The following IL15 variants were observed in gnomAD, a reference collection of about 807,000 sequenced individuals.
The protein encoded by IL15 is interleukin 15.
Under a neutral mutation model 19.6 loss-of-function variants are expected in IL15, and 11 were observed. The ratio of observed to expected loss-of-function variants is 0.56; its 90% CI spans 0.35 to 0.93. The LOEUF (loss-of-function observed/expected upper bound fraction) is 0.93, where lower values mean the gene tolerates loss of function less well. Ranked by LOEUF, IL15 falls within the 40% of genes least tolerant of loss-of-function variation. The pLI, the probability that IL15 is intolerant of heterozygous loss-of-function variation, is 0.01. For synonymous variants in IL15, 58 were observed against 59.6 expected (o/e 0.97, Z 0.12); for missense variants, 197 against 186.5 (o/e 1.06, Z -0.33).
At chr4:141,694,554 G>C (rs1729029698) in intron 2 of IL15, among the ~76,000 whole-genome samples, 1 of 152,170 alleles carries the variant, frequency 6.6e-6, no homozygotes, top group Non-Finnish European at 1.5e-5. Context: ...TTATATTTAA[G>C]ATCATGGAAG....
In IL15 at chr4:141,708,323, A is replaced by G. The variant is rs146939085; in HGVS notation, c.-99-11043A>G. On this transcript the variant is annotated intron_variant, in intron 2 of 7. Coordinates refer to ENST00000320650, the MANE Select transcript of IL15 (RefSeq NM_000585.5). ...TGGTGGTGCAAGCATTCATGTGAACATAGTGGAATGAGAGCAGGGCCTCAG... is the reference window on the plus strand; with the variant it reads ...TGGTGGTGCAAGCATTCATGTGAACGTAGTGGAATGAGAGCAGGGCCTCAG... 2.3e-3 allele frequency among the ~76,000 whole-genome samples: 345 copies of G among 152,260 alleles called. 1 individual carries two copies. Among genetic ancestry groups the G allele is most frequent in the African/African-American group, 7.8e-3 (324 of 41,546 alleles).
chr4:141,642,232 G>C (rs1241573335), intron 1 of IL15, among the ~76,000 whole-genome samples: 3 of 152,004 alleles, frequency 2.0e-5, no homozygotes, highest in Non-Finnish European at 2.9e-5. Flanking sequence ...GTGGGAGAAG[G>C]GTAATTATGA....
At chr4:141,730,051 A>G (rs1730401217) in intron 7 of IL15, 67 bp downstream of exon 7, 6 of 1,254,514 alleles carry the variant, frequency 4.8e-6, no homozygotes, top group Non-Finnish European at 7.0e-6. Context: ...GAAGTCATTC[A>G]TGGACAAGCA....
At chr4:141,663,241 T>G (rs994074638) in intron 2 of IL15, among the ~76,000 whole-genome samples, 17 of 152,064 alleles carry the variant, frequency 1.1e-4, no homozygotes, top group Admixed American at 9.8e-4. Flanking sequence ...AAAATAAGAG[T>G]TAAAACATTT....
chr4:141,641,850 A>G (rs1727056240), intron 1 of IL15, among the ~76,000 whole-genome samples: 1 of 152,006 alleles, frequency 6.6e-6, no homozygotes, highest in African/African-American at 2.4e-5. Flanking sequence ...TTTAAAAAAA[A>G]AAAAGCCGCA....
intron 2 of IL15, among the ~76,000 whole-genome samples, chr4:141,701,166 T>G (rs187447440): frequency 1.1e-4 from 16 of 152,310 alleles, no homozygotes; most frequent in African/African-American, 3.8e-4. Context: ...AATGTGATCT[T>G]TTGGGGGTGT....
chr4:141,677,435 G>A (rs1385158579), intron 2 of IL15, among the ~76,000 whole-genome samples: 1 of 152,098 alleles, frequency 6.6e-6, no homozygotes, highest in Non-Finnish European at 1.5e-5. Flanking sequence ...GTGTTAATTG[G>A]CTGTGTTATC....
At chr4:141,688,230 C>T (rs1202366588) in intron 2 of IL15, among the ~76,000 whole-genome samples, 2 of 152,164 alleles carry the variant, frequency 1.3e-5, no homozygotes. Flanking sequence ...ATTTACGTAT[C>T]CTCCCTTCCC....
At chr4:141,656,571 T>C (rs1727605906) in intron 2 of IL15, among the ~76,000 whole-genome samples, 1 of 152,216 alleles carries the variant, frequency 6.6e-6, no homozygotes, top group Admixed American at 6.5e-5. Flanking sequence ...ATGCTCACTG[T>C]CACAATGAGT....
rs1730393808 is a variant in IL15 at position 141,729,895 on chromosome 4, G to A, written c.289G>A (p.Val97Ile). 3 of 1,585,644 alleles carry A rather than the reference G, an allele frequency of 1.9e-6. No homozygotes were observed. The highest frequency in any genetic ancestry group is 1.1e-5 in the South Asian group (1 of 90,504). The change falls in exon 7 of 8, where the codon GTT becomes ATT. Residue 97 changes from valine to isoleucine, a missense_variant. Val to Ile is a conservative substitution (Grantham distance 29). Coordinates refer to ENST00000320650, the MANE Select transcript of IL15 (RefSeq NM_000585.5). ...GAAGTGCTTTCTCTTGGAGTTACAA[G>A]TTATTTCACTTGAGTCCGGAGATGC... ...AMKCFLLELQ[V>I]ISLESGDASI...
At chr4:141,703,736 GA>G (rs569683867) in intron 2 of IL15, among the ~76,000 whole-genome samples, 1,446 of 92,736 alleles carry the variant, frequency 0.016, 14 homozygotes, top group African/African-American at 0.037. Flanking sequence ...CTGCTATCTT[GA>G]AAAAAAAAAA....
chr4:141,728,070 GT>G, intron 6 of IL15, 86 bp downstream of exon 6: 1 of 673,020 alleles, frequency 1.5e-6, no homozygotes. Flanking sequence ...AAATATGGTA[GT>G]TTTAAAATCT....
In IL15 at chr4:141,681,291, T is replaced by TA. The variant is rs79077042; in HGVS notation, c.-100+24997dup. Among the ~76,000 whole-genome samples, 426 of 140,246 alleles carry TA rather than the reference T, an allele frequency of 3.0e-3. 2 individuals carry two copies. The highest frequency in any genetic ancestry group is 0.021 in the Middle Eastern group (6 of 284). 92.0% of individuals were successfully genotyped at this position (140,246 alleles called of 152,430 possible). Reference sequence around the variant, plus strand: ...AGTTGGCATGTTTAATTAACCTGTGTAAAAAAAAAAAAAGAGAGAAGACTT... The same window carrying TA: ...AGTTGGCATGTTTAATTAACCTGTGTAAAAAAAAAAAAAAGAGAGAAGACTT... On this transcript the variant is annotated intron_variant, in intron 2 of 7. Coordinates refer to ENST00000320650, the MANE Select transcript of IL15 (RefSeq NM_000585.5).
At chr4:141,720,421 C>A in intron 3 of IL15, 48 bp from the exon 4 acceptor site, 1 of 989,842 alleles carries the variant, frequency 1.0e-6, no homozygotes, top group South Asian at 1.4e-5. Context: ...TTAAACCTCA[C>A]TTTTTAACTA....
intron 2 of IL15, among the ~76,000 whole-genome samples, chr4:141,702,444 T>C (rs1225023901): frequency 6.6e-6 from 1 of 152,156 alleles, no homozygotes; most frequent in Admixed American, 6.5e-5. Flanking sequence ...AGCACCTGCT[T>C]TGAATGGAGG....
At chr4:141,648,582 A>G (rs544009094) in intron 1 of IL15, among the ~76,000 whole-genome samples, 1 of 152,162 alleles carries the variant, frequency 6.6e-6, no homozygotes, top group African/African-American at 2.4e-5. Flanking sequence ...TTAAGAGAAG[A>G]AATATGGTTT....
At chr4:141,720,983 A>C (rs999260945) in intron 4 of IL15, 6 of 587,842 alleles carry the variant, frequency 1.0e-5, no homozygotes, top group African/African-American at 9.5e-5. Flanking sequence ...TTCTTTCTTT[A>C]TTTAAGCCTT....
intron 7 of IL15, among the ~76,000 whole-genome samples, chr4:141,731,928 A>G (rs1027352187): frequency 2.0e-5 from 3 of 152,158 alleles, no homozygotes; most frequent in African/African-American, 7.2e-5. Flanking sequence ...TTTGAAGTAC[A>G]ACAATTTGTG....
chr4:141,664,717 T>C (rs182915576), intron 2 of IL15, among the ~76,000 whole-genome samples: 1 of 152,300 alleles, frequency 6.6e-6, no homozygotes, highest in Admixed American at 6.5e-5. Flanking sequence ...AAAGAAACTT[T>C]CAAGGAAGCA....
Sources: gnomAD v4.1 joint callset for allele counts (sites outside exome capture counted in the v4.1 genomes callset) on GRCh38, gnomAD v4.1.1 for gene constraint, MANE v1.5 for transcripts, NCBI Gene and HGNC (gene_info 2026-07-23, HGNC 2026-07-21) for gene names.